COG6: variants seen among roughly 807,000 people sequenced by gnomAD.
The protein encoded by COG6 is component of oligomeric golgi complex 6, also known as conserved oligomeric Golgi complex subunit 6.
A neutral mutation model predicts 88.8 loss-of-function variants in COG6; 74 were observed. That is an observed-to-expected ratio of 0.83 (90% CI 0.69 to 1.01). The LOEUF (loss-of-function observed/expected upper bound fraction) is 1.01, where lower values mean the gene tolerates loss of function less well. Ranked by LOEUF, COG6 falls within the 50% of genes least tolerant of loss-of-function variation. The pLI, the probability that COG6 is intolerant of heterozygous loss-of-function variation, is 0.00. For synonymous variants in COG6, 286 were observed against 278.7 expected (o/e 1.03, Z -0.26); for missense variants, 800 against 797.9 (o/e 1.00, Z -0.03).
chr13:39,752,047 C>G lies in COG6; in HGVS notation c.*954C>G, dbSNP rs757893547. The G allele has an allele frequency of 2.9e-5, 37 of 1,285,464 alleles. No homozygotes were observed. The highest frequency in any genetic ancestry group is 3.7e-5 in the Non-Finnish European group (37 of 987,252). 79.6% of individuals were successfully genotyped at this position (1,285,464 alleles called of 1,614,324 possible). ...AGTGTGTCTTATCTCCATGTTGTAA[C>G]TGGACTCTGACTTTAGACCATTACC... On this transcript the variant is annotated 3_prime_UTR_variant, in exon 19 of 19. Coordinates refer to ENST00000455146, the MANE Select transcript of COG6 (RefSeq NM_020751.3).
intron 15 of COG6, 51 bp downstream of exon 15, chr13:39,719,878 A>G (rs1247661259): frequency 7.1e-7 from 1 of 1,407,218 alleles, no homozygotes; most frequent in South Asian, 1.2e-5. Context: ...CTTTTTCTCT[A>G]TGTGATAGCT....
intron 4 of COG6, among the ~76,000 whole-genome samples, chr13:39,665,392 G>A (rs1044596377): frequency 4.6e-5 from 7 of 152,110 alleles, no homozygotes; most frequent in African/African-American, 1.4e-4. Context: ...ATGATGTATC[G>A]TTATTGTTTG....
intron 18 of COG6, among the ~76,000 whole-genome samples, chr13:39,767,194 G>A (rs955468786): frequency 6.6e-6 from 1 of 152,104 alleles, no homozygotes; most frequent in Non-Finnish European, 1.5e-5. Flanking sequence ...GATTGTTAAC[G>A]TTTATCTGCT....
chr13:39,753,814 A>T (rs1880744662), downstream of COG6, among the ~76,000 whole-genome samples: 1 of 152,140 alleles, frequency 6.6e-6, no homozygotes, highest in Non-Finnish European at 1.5e-5. Context: ...TAGTATTTTT[A>T]AAAACTCTCT....
rs147295042 is a variant in COG6 at position 39,699,597 on chromosome 13, T to C, written c.1263T>C (p.His421=). 70 of 1,474,952 alleles carry C rather than the reference T, an allele frequency of 4.7e-5. No homozygotes were observed. The African/African-American group carries it at 8.7e-4, about 18-fold the overall frequency. 91.4% of individuals were successfully genotyped at this position (1,474,952 alleles called of 1,614,324 possible). A position where few individuals can be genotyped will look rare whatever the true frequency, so the allele number is the denominator to read the frequency against. Residue 421 remains histidine (H), a synonymous_variant, in exon 13 of 19, where the codon CAT becomes CAC. Coordinates refer to ENST00000455146, the MANE Select transcript of COG6 (RefSeq NM_020751.3). ...KKIFFNSLSL[H]ASKLMDKVEL... ...TATTCTTCAATAGCTTGAGTCTTCA[T>C]GCAAGTAAATTAATGGACAAGGTAT...
chr13:39,731,385 AAATGGT>A (rs1290867951), intron 18 of COG6, among the ~76,000 whole-genome samples: 1 of 152,222 alleles, frequency 6.6e-6, no homozygotes. Context: ...TAGAGAAAGA[AAATGGT>A]TTTAAAGAAT....
chr13:39,677,505 T>G lies in COG6; in HGVS notation c.466T>G (p.Phe156Val). 6.2e-7 allele frequency: 1 copy of G among 1,613,416 alleles called. No homozygotes were observed. The highest frequency in any genetic ancestry group is 1.1e-5 in the South Asian group (1 of 91,074). ...GATAAGAGCTCAAGTTGCAGATGCC[T>G]TCTTATCCAAGTTCCAACTGACTTC... The part of the protein sequence containing the change: ...LEIRAQVADA[F>V]LSKFQLTSDE... The change falls in exon 5 of 19, where the codon TTC (phenylalanine) becomes GTC (valine). Residue 156 changes from phenylalanine (F) to valine (V), a missense_variant. Phe to Val is a conservative substitution (Grantham distance 50). Coordinates refer to ENST00000455146, the MANE Select transcript of COG6 (RefSeq NM_020751.3).
At chr13:39,696,220 T>TA (rs1877267115) in intron 12 of COG6, among the ~76,000 whole-genome samples, 1 of 151,982 alleles carries the variant, frequency 6.6e-6, no homozygotes, top group African/African-American at 2.4e-5. Flanking sequence ...TTTAGTCAAT[T>TA]AAACAGTTGA....
At chr13:39,773,978 T>C (rs1881392423) in intron 18 of COG6, among the ~76,000 whole-genome samples, 1 of 151,570 alleles carries the variant, frequency 6.6e-6, no homozygotes, top group East Asian at 1.9e-4. Flanking sequence ...TAGAAATCCA[T>C]AGGAGTATGT....
intron 18 of COG6, among the ~76,000 whole-genome samples, chr13:39,777,835 A>T (rs892508179): frequency 6.6e-6 from 1 of 152,212 alleles, no homozygotes; most frequent in Non-Finnish European, 1.5e-5. Context: ...CAGTGGGGTT[A>T]TGTCAAATAA....
At chr13:39,661,119 C>G (rs537903936) in intron 3 of COG6, among the ~76,000 whole-genome samples, 4 of 152,074 alleles carry the variant, frequency 2.6e-5, no homozygotes, top group Non-Finnish European at 5.9e-5. Context: ...GAGCTAACTA[C>G]GTAGAATTTT....
chr13:39,781,909 T>C (rs373621130), intron 18 of COG6, among the ~76,000 whole-genome samples: 16 of 152,238 alleles, frequency 1.1e-4, no homozygotes, highest in African/African-American at 3.6e-4. Context: ...AAACCTGTTA[T>C]ATTTGGTTGT....
intron 8 of COG6, among the ~76,000 whole-genome samples, chr13:39,685,374 G>A (rs1292419125): frequency 3.3e-5 from 5 of 151,998 alleles, no homozygotes; most frequent in Non-Finnish European, 4.4e-5. Flanking sequence ...TGCTGTTTTT[G>A]CTTTAAATTA....
At chr13:39,669,175 G>A (rs1413402306) in intron 4 of COG6, among the ~76,000 whole-genome samples, 2 of 152,182 alleles carry the variant, frequency 1.3e-5, no homozygotes, top group African/African-American at 4.8e-5. Context: ...TCAGAATTAA[G>A]CCTGTGCCTT....
chr13:39,682,535 C>T (rs747042905), intron 8 of COG6: 33 of 350,916 alleles, frequency 9.4e-5, no homozygotes, highest in Non-Finnish European at 1.6e-4. Context: ...GACTTTTCCC[C>T]TGTCGTCTCA....
intron 18 of COG6, among the ~76,000 whole-genome samples, chr13:39,763,741 G>C (rs1328101723): frequency 6.6e-6 from 1 of 151,678 alleles, no homozygotes; most frequent in Admixed American, 6.6e-5. Context: ...TCAAACATCA[G>C]CCTTGCATTT....
At chr13:39,785,868 C>T (rs1181378477) in intron 18 of COG6, among the ~76,000 whole-genome samples, 1 of 152,056 alleles carries the variant, frequency 6.6e-6, no homozygotes, top group Non-Finnish European at 1.5e-5. Flanking sequence ...GTTAAGAGTA[C>T]TTGGAGGATG....
chr13:39,775,155 G>A (rs1186818492), intron 18 of COG6, among the ~76,000 whole-genome samples: 1 of 152,118 alleles, frequency 6.6e-6, no homozygotes, highest in Admixed American at 6.5e-5. Context: ...GCCTGGCCTG[G>A]AGGTTCCATT....
intron 16 of COG6, among the ~76,000 whole-genome samples, chr13:39,723,955 T>C (rs1248245722): frequency 6.6e-6 from 1 of 152,014 alleles, no homozygotes; most frequent in African/African-American, 2.4e-5. Context: ...TATAGAACCC[T>C]AGTAGAAATA....
Sources: gnomAD v4.1 joint callset for allele counts (sites outside exome capture counted in the v4.1 genomes callset) on GRCh38, gnomAD v4.1.1 for gene constraint, MANE v1.5 for transcripts, NCBI Gene and HGNC (gene_info 2026-07-23, HGNC 2026-07-21) for gene names.